The following COMMD6 variants were observed in gnomAD, a reference collection of about 807,000 sequenced individuals.
The protein encoded by COMMD6 is COMM domain containing 6.
In COMMD6, 11 loss-of-function variants were observed where a neutral mutation model predicts 13.4. The ratio of observed to expected loss-of-function variants is 0.82; its 90% CI spans 0.52 to 1.36. The LOEUF (loss-of-function observed/expected upper bound fraction) is 1.36. COMMD6 is among the 40% of genes most tolerant of loss of function. COMMD6 has a pLI of 0.00. For synonymous variants in COMMD6, 43 were observed against 36.5 expected, an observed-to-expected ratio of 1.18 and a Z score of -0.64; for missense variants, 124 against 102.4, an observed-to-expected ratio of 1.21 and a Z score of -0.91.
chr13:75,543,611 C>G (rs1390139756), upstream of COMMD6, among the ~76,000 whole-genome samples: 1 of 152,234 alleles, frequency 6.6e-6, no homozygotes, highest in African/African-American at 2.4e-5. Flanking sequence ...GAATCTAAAG[C>G]CCTCTTCTAC....
chr13:75,543,612 C>A (rs895339722), upstream of COMMD6, among the ~76,000 whole-genome samples: 1 of 152,186 alleles, frequency 6.6e-6, no homozygotes, highest in Non-Finnish European at 1.5e-5. Flanking sequence ...AATCTAAAGC[C>A]CTCTTCTACC....
At chr13:75,540,976 C>A (rs2030818066), upstream of COMMD6, among the ~76,000 whole-genome samples, 1 of 152,144 alleles carries the variant, frequency 6.6e-6, no homozygotes, top group Admixed American at 6.5e-5. Context: ...ATGCAGTTGT[C>A]CCTCAGTGTA....
intron 2 of COMMD6, among the ~76,000 whole-genome samples, chr13:75,531,313 C>T (rs1048488863): frequency 5.9e-5 from 9 of 152,104 alleles, no homozygotes; most frequent in Admixed American, 5.2e-4. Context: ...GAATGGTTCC[C>T]AAGTGTGCCT....
chr13:75,538,202 T>A (rs1411036134), upstream of COMMD6, among the ~76,000 whole-genome samples: 1 of 152,208 alleles, frequency 6.6e-6, no homozygotes. Flanking sequence ...CCCCGGCACA[T>A]GGGAGTTTGT....
chr13:75,529,972 T>G (rs937102286), intron 3 of COMMD6, 142 bp downstream of exon 3: 2 of 628,814 alleles, frequency 3.2e-6, no homozygotes, highest in Admixed American at 3.0e-5. Flanking sequence ...TAATGTCTCT[T>G]GCATATACTA....
At chr13:75,533,773 T>C (rs922673693) in intron 2 of COMMD6, among the ~76,000 whole-genome samples, 1 of 152,028 alleles carries the variant, frequency 6.6e-6, no homozygotes. Context: ...TTATAAAAAA[T>C]TGAGCTTGGA....
At chr13:75,549,439 T>C (rs1465163630), upstream of COMMD6, 2 of 253,290 alleles carry the variant, frequency 7.9e-6, no homozygotes, top group Non-Finnish European at 1.5e-5. Flanking sequence ...ACTGCAAGAA[T>C]GGGAAGGTGC....
upstream of COMMD6, among the ~76,000 whole-genome samples, chr13:75,542,726 G>T (rs145699472): frequency 4.7e-4 from 71 of 152,342 alleles, no homozygotes; most frequent in African/African-American, 1.6e-3. Context: ...GATGAGTCCA[G>T]TGTATTCACA....
intron 2 of COMMD6, among the ~76,000 whole-genome samples, chr13:75,536,365 T>G (rs780145483): frequency 3.9e-5 from 6 of 152,254 alleles, no homozygotes; most frequent in Non-Finnish European, 7.3e-5. Context: ...TAGAAGGATG[T>G]GCAGTAGGCT....
upstream of COMMD6, chr13:75,538,683 T>G (rs1165801047): frequency 2.0e-5 from 3 of 152,164 alleles, no homozygotes; most frequent in Non-Finnish European, 4.4e-5. Context: ...AAAATACTAT[T>G]CTCTAATAAA....
intron 1 of COMMD6, among the ~76,000 whole-genome samples, chr13:75,548,083 C>G (rs2030939299): frequency 6.6e-6 from 1 of 152,208 alleles, no homozygotes; most frequent in East Asian, 1.9e-4. Context: ...TTAAGCAACC[C>G]TAACAGGTGA....
At chr13:75,547,792 G>C in intron 1 of COMMD6, among the ~76,000 whole-genome samples, 1 of 152,236 alleles carries the variant, frequency 6.6e-6, no homozygotes, top group East Asian at 1.9e-4. Context: ...TCTGTAAGGT[G>C]AAAGACAAGT....
In COMMD6 at chr13:75,529,926, T is replaced by G. The variant is rs2030410244; in HGVS notation, c.207+188A>C. ...AGTACACAACTTCAGCACATTATAT[T>G]GAAAATAATTTATCAAATTCCCAAA... On this transcript the variant is annotated intron_variant, in intron 3 of 3. Transcript: ENST00000682242. 5.9e-5 allele frequency: 32 copies of G among 545,470 alleles called. No homozygotes were observed. In the South Asian group the frequency reaches 8.3e-4, roughly 14 times the overall value. 33.8% of individuals were successfully genotyped at this position (545,470 alleles called of 1,614,324 possible).
intron 1 of COMMD6, among the ~76,000 whole-genome samples, chr13:75,546,972 G>A (rs1216530377): frequency 6.6e-6 from 1 of 151,878 alleles, no homozygotes; most frequent in Non-Finnish European, 1.5e-5. Flanking sequence ...ACATAACCTT[G>A]TTTTATGTGT....
Position 75,529,335 on chromosome 13 carries a change from A to G in COMMD6, c.207+779T>C, listed in dbSNP as rs564073961. On this transcript the variant is annotated intron_variant, in intron 3 of 3. Transcript: ENST00000682242. ...GGAGATCGAGACCATCCTGGCTAACATGGTGAAACCCCATCTCTACTAAAA... is the reference window on the plus strand; with the variant it reads ...GGAGATCGAGACCATCCTGGCTAACGTGGTGAAACCCCATCTCTACTAAAA... 8.5e-5 allele frequency among the ~76,000 whole-genome samples: 13 copies of G among 152,264 alleles called. No homozygotes were observed. In the East Asian group the frequency reaches 1.9e-3, roughly 23 times the overall value.
intron 2 of COMMD6, among the ~76,000 whole-genome samples, chr13:75,536,455 T>C (rs1336961444): frequency 6.6e-6 from 1 of 152,196 alleles, no homozygotes; most frequent in Non-Finnish European, 1.5e-5. Context: ...CAAAACAGTA[T>C]TGGTAGATGT....
chr13:75,529,850 CT>C (rs2030407634), intron 3 of COMMD6: 1 of 304,432 alleles, frequency 3.3e-6, no homozygotes, highest in African/African-American at 2.2e-5. Flanking sequence ...GAAGATAAAA[CT>C]TTCCTAAATA....
At position 75,537,826 on chromosome 13, in the gene COMMD6, G is replaced by A. The variant is rs374256603; in HGVS notation, c.-21C>T. 28 of 1,584,992 alleles carry A rather than the reference G, an allele frequency of 1.8e-5. No individual in the cohort carries two copies. Among genetic ancestry groups the A allele is most frequent in the East Asian group, 2.2e-5 (1 of 44,536 alleles). On this transcript the variant is annotated 5_prime_UTR_variant, in exon 1 of 4. Transcript: ENST00000682242. ...TCCATGGGCAGCGTCTGGGACTTGC[G>A]GCCCGGACTCGAGAGAACGCCCCCA...
Position 75,527,832 on chromosome 13 carries a change from G to A in COMMD6, c.208-1193C>T, listed in dbSNP as rs1186229208. The stretch of plus-strand genomic sequence containing the variant: ...ACTCACAGAAGCAGAAAGGAGACTG[G>A]AGGTTGCCAGGAGCTGAGGCTGGGG... On this transcript the variant is annotated intron_variant, in intron 3 of 3. Transcript: ENST00000682242. 2.6e-6 allele frequency: 4 copies of A among 1,512,618 alleles called. No homozygotes were observed. The South Asian group carries it at 5.3e-5, about 20-fold the overall frequency. The allele number at this position is 1,512,618 out of a possible 1,614,324, so 93.7% of individuals were successfully genotyped here.
Sources: allele counts gnomAD v4.1 joint callset (sites outside exome capture counted in the v4.1 genomes callset), GRCh38; gene constraint gnomAD v4.1.1; transcripts MANE v1.5; gene names NCBI Gene and HGNC (gene_info 2026-07-23, HGNC 2026-07-21).